RRAS2: variants seen among roughly 807,000 people sequenced by gnomAD.
RRAS2 encodes RAS related 2, also known as ras-related protein R-Ras2.
Under a neutral mutation model 27.6 loss-of-function variants are expected in RRAS2, and 7 were observed. That is an observed-to-expected ratio of 0.25 (90% CI 0.14 to 0.48). The LOEUF is 0.48. RRAS2 is among the 20% of genes least tolerant of loss of function. The probability of loss-of-function intolerance (pLI) is 0.99; values close to 1 mark genes in which losing one functional copy is unlikely to be tolerated. For missense variants in RRAS2, 178 were observed against 256.2 expected, an observed-to-expected ratio of 0.69 and a Z score of 2.08; for synonymous variants, 86 against 90.9, an observed-to-expected ratio of 0.95 and a Z score of 0.31.
Position 14,359,183 on chromosome 11 carries a change from T to G in RRAS2, c.-313A>C. 1 of 955,526 alleles carries G rather than the reference T, an allele frequency of 1.0e-6. No homozygotes were observed. Among genetic ancestry groups the G allele is most frequent in the Non-Finnish European group, 1.2e-6 (1 of 824,608 alleles). 59.2% of individuals were successfully genotyped at this position (955,526 alleles called of 1,614,324 possible). On this transcript the variant is annotated 5_prime_UTR_variant, in exon 1 of 6. Coordinates refer to ENST00000256196, the MANE Select transcript of RRAS2 (RefSeq NM_012250.6). ...TCCAGCGCCGCCACAAATGGCCGTC[T>G]GGGGGCCGGGCTGCCAGGCTGAGGT...
intron 1 of RRAS2, among the ~76,000 whole-genome samples, chr11:14,355,397 A>G (rs1849051134): frequency 6.6e-6 from 1 of 152,170 alleles, no homozygotes; most frequent in African/African-American, 2.4e-5. Flanking sequence ...TGTTCTACCT[A>G]CCAACAGAAC....
At chr11:14,313,467 G>A (rs537258076) in intron 1 of RRAS2, among the ~76,000 whole-genome samples, 18 of 152,228 alleles carry the variant, frequency 1.2e-4, no homozygotes, top group Middle Eastern at 3.4e-3. Flanking sequence ...TGGCCTGAAT[G>A]GTGGCATCCA....
At chr11:14,323,638 C>T (rs180783606) in intron 1 of RRAS2, among the ~76,000 whole-genome samples, 1 of 152,100 alleles carries the variant, frequency 6.6e-6, no homozygotes, top group East Asian at 1.9e-4. Context: ...ACAAATTCTT[C>T]CAGAGAATAG....
At chr11:14,300,025 GAAAGAGAAAA>G (rs1355923558) in intron 1 of RRAS2, among the ~76,000 whole-genome samples, 1 of 151,890 alleles carries the variant, frequency 6.6e-6, no homozygotes, top group African/African-American at 2.4e-5. Flanking sequence ...TTCTGTAGCA[GAAAGAGAAAA>G]AAAGAGGAAA....
At chr11:14,327,731 A>G (rs1438798154) in intron 1 of RRAS2, among the ~76,000 whole-genome samples, 2 of 152,242 alleles carry the variant, frequency 1.3e-5, no homozygotes, top group African/African-American at 4.8e-5. Context: ...GGAAAAAGAA[A>G]AACGTGCAGT....
intron 1 of RRAS2, among the ~76,000 whole-genome samples, chr11:14,349,630 GTA>G (rs1848910324): frequency 6.6e-6 from 1 of 152,014 alleles, no homozygotes; most frequent in African/African-American, 2.4e-5. Flanking sequence ...GCTTATAACA[GTA>G]TAGACAATTG....
At chr11:14,301,268 A>T (rs1591454323) in intron 1 of RRAS2, among the ~76,000 whole-genome samples, 1 of 152,148 alleles carries the variant, frequency 6.6e-6, no homozygotes, top group Non-Finnish European at 1.5e-5. Context: ...ATTAAAATTA[A>T]TTTTTTCTAA....
At chr11:14,288,808 C>T (rs1554945421) in intron 4 of RRAS2, among the ~76,000 whole-genome samples, 1 of 152,152 alleles carries the variant, frequency 6.6e-6, no homozygotes, top group African/African-American at 2.4e-5. Context: ...GAATAAACTA[C>T]ATTTCAGTGC....
intron 4 of RRAS2, among the ~76,000 whole-genome samples, chr11:14,290,691 G>C (rs1220761627): frequency 6.6e-6 from 1 of 152,182 alleles, no homozygotes; most frequent in African/African-American, 2.4e-5. Context: ...CAAAAAGGAA[G>C]TGATCAACCA....
At chr11:14,350,515 T>A (rs11606692) in intron 1 of RRAS2, among the ~76,000 whole-genome samples, 18,221 of 152,092 alleles carry the variant, frequency 0.12, 1,415 homozygotes, top group East Asian at 0.25. Flanking sequence ...ATGCTAGTAC[T>A]GTGCTTCTTG....
chr11:14,335,184 G>A (rs1197764827), intron 1 of RRAS2, among the ~76,000 whole-genome samples: 1 of 152,124 alleles, frequency 6.6e-6, no homozygotes, highest in Non-Finnish European at 1.5e-5. Context: ...CAGTCATCTT[G>A]TTCCTTTTCT....
chr11:14,354,223 A>T (rs1849024400), intron 1 of RRAS2, among the ~76,000 whole-genome samples: 1 of 152,226 alleles, frequency 6.6e-6, no homozygotes, highest in African/African-American at 2.4e-5. Flanking sequence ...CTAACAGGTC[A>T]TAGGACTGAC....
At chr11:14,336,848 A>C (rs1189926490) in intron 1 of RRAS2, among the ~76,000 whole-genome samples, 2 of 152,242 alleles carry the variant, frequency 1.3e-5, no homozygotes, top group Non-Finnish European at 2.9e-5. Context: ...AAACTTCCCA[A>C]ATGTGGTAAG....
intron 1 of RRAS2, among the ~76,000 whole-genome samples, chr11:14,312,704 A>C (rs1848002748): frequency 6.6e-6 from 1 of 152,210 alleles, no homozygotes; most frequent in Non-Finnish European, 1.5e-5. Context: ...TACAGGTGTG[A>C]GCCACTGCAC....
At chr11:14,343,267 ATAAAAT>A (rs1848755869) in intron 1 of RRAS2, among the ~76,000 whole-genome samples, 2 of 152,240 alleles carry the variant, frequency 1.3e-5, no homozygotes, top group Non-Finnish European at 2.9e-5. Context: ...GTCTCTAAAT[ATAAAAT>A]TAAAAACTAA....
chr11:14,298,117 G>C (rs782057967), intron 1 of RRAS2, among the ~76,000 whole-genome samples: 17 of 151,966 alleles, frequency 1.1e-4, no homozygotes, highest in Non-Finnish European at 1.6e-4. Flanking sequence ...TAAACAACAG[G>C]AATCAGCAGT....
intron 4 of RRAS2, among the ~76,000 whole-genome samples, chr11:14,285,991 A>C (rs1158727997): frequency 6.6e-6 from 1 of 152,132 alleles, no homozygotes; most frequent in Non-Finnish European, 1.5e-5. Flanking sequence ...CAAATGTGGA[A>C]ATTTTCAGCA....
intron 1 of RRAS2, chr11:14,364,306 AC>A: frequency 7.7e-7 from 1 of 1,303,978 alleles, no homozygotes; most frequent in Non-Finnish European, 1.1e-6. Flanking sequence ...GATTCCTCTA[AC>A]CTCATCTGTA....
At chr11:14,344,000 G>A (rs1317427869) in intron 1 of RRAS2, among the ~76,000 whole-genome samples, 1 of 151,922 alleles carries the variant, frequency 6.6e-6, no homozygotes, top group African/African-American at 2.4e-5. Context: ...AAAATCAGCC[G>A]GGCATGGTGG....
Sources: allele counts gnomAD v4.1 joint callset (sites outside exome capture counted in the v4.1 genomes callset), GRCh38; gene constraint gnomAD v4.1.1; transcripts MANE v1.5; gene names NCBI Gene and HGNC (gene_info 2026-07-23, HGNC 2026-07-21).